IL1RAPL1: variants seen among roughly 807,000 people sequenced by gnomAD.
The protein encoded by IL1RAPL1 is interleukin 1 receptor accessory protein like 1.
IL1RAPL1 carries 3 observed loss-of-function variants against 48.4 expected under a neutral mutation model. The ratio of observed to expected loss-of-function variants is 0.06; its 90% CI spans 0.03 to 0.16. The LOEUF is 0.16. Ranked by LOEUF, IL1RAPL1 falls within the 10% of genes least tolerant of loss-of-function variation. IL1RAPL1 has a pLI of 1.00. For missense variants in IL1RAPL1, 349 were observed against 530.6 expected (o/e 0.66, Z 3.36); for synonymous variants, 185 against 187.7 (o/e 0.99, Z 0.12).
intron 3 of IL1RAPL1, among the ~76,000 whole-genome samples, chrX:29,333,779 C>G (rs1016943170): frequency 1.5e-5 from 1 of 66,190 alleles, no homozygotes; most frequent in African/African-American, 5.7e-5. Context: ...ACCTCCCTCC[C>G]GGACAGGGCG....
At chrX:29,643,889 TTG>T (rs1190730556) in intron 5 of IL1RAPL1, among the ~76,000 whole-genome samples, 6 of 112,098 alleles carry the variant, frequency 5.4e-5, no homozygotes, top group Non-Finnish European at 3.8e-5. Context: ...ACACATTTTT[TTG>T]TGTGTGTCAG....
At chrX:29,874,259 C>T (rs915117310) in intron 6 of IL1RAPL1, among the ~76,000 whole-genome samples, 2 of 111,679 alleles carry the variant, frequency 1.8e-5, no homozygotes, top group Non-Finnish European at 3.8e-5. Flanking sequence ...GACCTTTGTT[C>T]TTCCTAACAT....
At chrX:29,697,196 T>C (rs890677967) in intron 6 of IL1RAPL1, among the ~76,000 whole-genome samples, 3 of 111,898 alleles carry the variant, frequency 2.7e-5, no homozygotes, top group African/African-American at 9.8e-5. Flanking sequence ...GTCACAATGG[T>C]AAAATGTCGA....
intron 8 of IL1RAPL1, among the ~76,000 whole-genome samples, chrX:29,933,428 T>C (rs1029243999): frequency 1.8e-5 from 2 of 111,645 alleles, no homozygotes; most frequent in African/African-American, 6.5e-5. Flanking sequence ...TGAATATTAA[T>C]GCTATAATTA....
At chrX:29,407,280 G>A (rs1934085212) in intron 5 of IL1RAPL1, among the ~76,000 whole-genome samples, 1 of 111,111 alleles carries the variant, frequency 9.0e-6, no homozygotes, top group African/African-American at 3.3e-5. Context: ...GAGTTTTGGG[G>A]TATTTATTTT....
Position 29,533,381 on chromosome X carries a change from C to A in IL1RAPL1, c.703+134073C>A, listed in dbSNP as rs148452246. ...CATATACCATGTGGATTTTTTGTGA[C>A]TGATATTTTAGCATAATATTTGCAG... On this transcript the variant is annotated intron_variant, in intron 5 of 10. Transcript: ENST00000378993. Among the ~76,000 whole-genome samples, 103 of 111,930 alleles carry A rather than the reference C, an allele frequency of 9.2e-4. 1 individual carries two copies. Among genetic ancestry groups the A allele is most frequent in the African/African-American group, 3.1e-3 (95 of 30,830 alleles).
chrX:29,434,526 A>G lies in IL1RAPL1; in HGVS notation c.703+35218A>G, dbSNP rs1033002620. On this transcript the variant is annotated intron_variant, in intron 5 of 10. Transcript: ENST00000378993. ...CATAGTTGTCACACTGTTTTTTGCC[A>G]TCTAATCTGCTGTCCACTTCTCCAA... Among the ~76,000 whole-genome samples the G allele has an allele frequency of 1.6e-4, 18 of 110,732 alleles. No individual in the cohort carries two copies. The Admixed American group carries it at 1.6e-3, about 10-fold the overall frequency.
intron 2 of IL1RAPL1, among the ~76,000 whole-genome samples, chrX:28,927,968 C>T (rs1393362016): frequency 9.0e-6 from 1 of 110,715 alleles, no homozygotes; most frequent in Non-Finnish European, 1.9e-5. Context: ...TAACTTATCT[C>T]GTGAACATGA....
At chrX:29,694,925 A>G (rs1392378241) in intron 6 of IL1RAPL1, among the ~76,000 whole-genome samples, 3 of 111,292 alleles carry the variant, frequency 2.7e-5, no homozygotes, top group Admixed American at 9.6e-5. Flanking sequence ...GAGGGGCTGG[A>G]CAAGGCTCCT....
chrX:28,769,588 C>A (rs1390538310), intron 1 of IL1RAPL1, among the ~76,000 whole-genome samples: 1 of 112,071 alleles, frequency 8.9e-6, no homozygotes, highest in Non-Finnish European at 1.9e-5. Context: ...TTACTCTCAT[C>A]TACTTAATTA....
chrX:29,597,126 G>A (rs1923574025), intron 5 of IL1RAPL1, among the ~76,000 whole-genome samples: 1 of 102,416 alleles, frequency 9.8e-6, no homozygotes, highest in Non-Finnish European at 2.0e-5. Flanking sequence ...TGTTAGAATT[G>A]GTTAGCTACT....
At chrX:29,592,098 T>G (rs749443499) in intron 5 of IL1RAPL1, among the ~76,000 whole-genome samples, 1 of 111,788 alleles carries the variant, frequency 8.9e-6, no homozygotes, top group Non-Finnish European at 1.9e-5. Flanking sequence ...TTTTCTAAGT[T>G]TTAACTTAAC....
intron 2 of IL1RAPL1, among the ~76,000 whole-genome samples, chrX:29,250,887 C>T (rs1277319451): frequency 8.9e-6 from 1 of 111,744 alleles, no homozygotes; most frequent in East Asian, 2.8e-4. Context: ...CTTTGTTTTA[C>T]CTGGCATTTG....
intron 6 of IL1RAPL1, among the ~76,000 whole-genome samples, chrX:29,865,532 G>A (rs751982343): frequency 2.7e-5 from 3 of 110,249 alleles, no homozygotes; most frequent in Non-Finnish European, 5.7e-5. Context: ...AAATTAAGAA[G>A]TCTCATCCCC....
chrX:29,862,757 A>G (rs965173443), intron 6 of IL1RAPL1, among the ~76,000 whole-genome samples: 2 of 110,561 alleles, frequency 1.8e-5, no homozygotes, highest in Non-Finnish European at 1.9e-5. Context: ...AACAATATCT[A>G]TCGGTAGACA....
At position 28,649,373 on chromosome X, in the gene IL1RAPL1, G is replaced by A. The variant is rs559301036; in HGVS notation, c.-25+61326G>A. On this transcript the variant is annotated intron_variant, in intron 1 of 10. Transcript: ENST00000378993. ...CCAGTTTCTTTCACCTCCACTGAAA[G>A]GTGTGAGTCCAGAAAACGAGAACAA... is the stretch of plus-strand genomic sequence containing the variant. Among the ~76,000 whole-genome samples, 59 of 112,040 alleles carry A rather than the reference G, an allele frequency of 5.3e-4. No homozygotes were observed. In the South Asian group the frequency reaches 0.01, roughly 20 times the overall value.
intron 2 of IL1RAPL1, among the ~76,000 whole-genome samples, chrX:29,249,401 T>C (rs1389958698): frequency 9.0e-6 from 1 of 111,116 alleles, no homozygotes; most frequent in Admixed American, 9.6e-5. Context: ...GAGAGAAAAA[T>C]TTTTCACAGA....
intron 2 of IL1RAPL1, among the ~76,000 whole-genome samples, chrX:28,830,152 G>T (rs1413805901): frequency 9.0e-6 from 1 of 111,572 alleles, no homozygotes; most frequent in Non-Finnish European, 1.9e-5. Flanking sequence ...CTGGCCTCAT[G>T]GAATGAGGTA....
At chrX:29,576,440 C>G (rs1055236650) in intron 5 of IL1RAPL1, among the ~76,000 whole-genome samples, 1 of 112,018 alleles carries the variant, frequency 8.9e-6, no homozygotes, top group Non-Finnish European at 1.9e-5. Context: ...GAAATGGCAA[C>G]AGTTTAGGGA....
Sources: gnomAD v4.1 joint callset for allele counts (sites outside exome capture counted in the v4.1 genomes callset) on GRCh38, gnomAD v4.1.1 for gene constraint, MANE v1.5 for transcripts, NCBI Gene and HGNC (gene_info 2026-07-23, HGNC 2026-07-21) for gene names.